FAT3: variants seen among roughly 807,000 people sequenced by gnomAD.
FAT3 encodes FAT atypical cadherin 3, also known as protocadherin Fat 3.
Under a neutral mutation model 310.2 loss-of-function variants are expected in FAT3, and 95 were observed. The observed-to-expected ratio is 0.31, with a 90% CI of 0.26 to 0.36. The LOEUF (loss-of-function observed/expected upper bound fraction) is 0.36, where lower values mean the gene tolerates loss of function less well. FAT3 is among the 10% of genes least tolerant of loss of function. FAT3 has a pLI of 1.00. For synonymous variants in FAT3, 2,314 were observed against 2,192.9 expected (o/e 1.06, Z -1.54); for missense variants, 5,408 against 5,715.6 (o/e 0.95, Z 1.74).
chr11:92,287,682 A>C lies in FAT3; in HGVS notation c.-18+62508A>C, dbSNP rs1394705776. 2.0e-5 allele frequency among the ~76,000 whole-genome samples: 3 copies of C among 152,214 alleles called. No homozygotes were observed. The East Asian group carries it at 5.8e-4, about 29-fold the overall frequency. The stretch of plus-strand genomic sequence containing the variant: ...TTCCAAATACTTGTGCTCCCCTCTT[A>C]AGTTATCCCTGTGGTTTCTTTCTTT... On this transcript the variant is annotated intron_variant, in intron 1 of 27. Transcript: ENST00000525166.
intron 2 of FAT3, chr11:92,366,723 C>T (rs1218591256): frequency 1.9e-6 from 1 of 535,976 alleles, no homozygotes; most frequent in African/African-American, 1.9e-5. Context: ...CATTTCCCCT[C>T]CTTGATCTGG....
chr11:92,257,192 A>T (rs1865352565), intron 1 of FAT3, among the ~76,000 whole-genome samples: 1 of 152,182 alleles, frequency 6.6e-6, no homozygotes, highest in African/African-American at 2.4e-5. Context: ...GCTGAGGCTC[A>T]TAAATGCATA....
At chr11:92,565,716 T>A (rs1955409149) in intron 3 of FAT3, among the ~76,000 whole-genome samples, 1 of 151,284 alleles carries the variant, frequency 6.6e-6, no homozygotes, top group South Asian at 2.1e-4. Flanking sequence ...ATCCCTGGGA[T>A]GCAAGGCTGG....
At chr11:92,418,059 C>A (rs1950453998) in intron 2 of FAT3, among the ~76,000 whole-genome samples, 1 of 152,274 alleles carries the variant, frequency 6.6e-6, no homozygotes, top group East Asian at 1.9e-4. Context: ...TGAACTTAAG[C>A]AAGTCACTTG....
chr11:92,461,522 G>A (rs1951638842), intron 2 of FAT3, among the ~76,000 whole-genome samples: 1 of 152,164 alleles, frequency 6.6e-6, no homozygotes, highest in African/African-American at 2.4e-5. Context: ...GTATGGTGAT[G>A]AAGAATCTTA....
At position 92,890,841 on chromosome 11, in the gene FAT3, C is replaced by G. The variant is rs1949902305; in HGVS notation, c.13498C>G (p.Pro4500Ala). Residue 4500 changes from proline (P) to alanine (A), a missense_variant, in exon 28 of 28, where the codon CCC becomes GCC. Physicochemically the swap from Pro to Ala is conservative, Grantham distance 27 (BLOSUM62 -1). Around this residue, in one of 5 missense-constraint regions of FAT3, gnomAD observed 649 missense variants for 666.2 expected, o/e 0.97. Transcript: ENST00000525166. Reference protein sequence around the residue: ...PSQYLPPHPFPNETDLVGPPA... With the variant: ...PSQYLPPHPFANETDLVGPPA... ...CCAGTATCTCCCTCCTCACCCATTCCCCAACGAAACGGATTTGGTGGGCCC... is the reference window on the plus strand; with the variant it reads ...CCAGTATCTCCCTCCTCACCCATTCGCCAACGAAACGGATTTGGTGGGCCC... 6.2e-7 allele frequency: 1 copy of G among 1,613,950 alleles called. No individual in the cohort carries two copies.
intron 21 of FAT3, among the ~76,000 whole-genome samples, chr11:92,862,829 G>GAGTATGAGT (rs1949153652): frequency 6.6e-6 from 1 of 152,142 alleles, no homozygotes; most frequent in Admixed American, 6.5e-5. Flanking sequence ...CTTGCATGTA[G>GAGTATGAGT]GTATGAGTGT....
In FAT3 at chr11:92,836,627, G is replaced by A. The variant is rs1441481533; in HGVS notation, c.10148G>A (p.Gly3383Glu). ...CAGATTCATTTTTCCATTGTGAATG[G>A]AGATCGGGACAATGAATTTACTGTA... is the stretch of plus-strand genomic sequence containing the variant. The part of the protein sequence containing the change: ...NGQIHFSIVN[G>E]DRDNEFTVDP... Residue 3383 changes from glycine to glutamate, a missense_variant, in exon 16 of 28, where the codon GGA becomes GAA. By Grantham distance (98) the Gly-to-Glu change is moderately conservative. This residue lies in a region of FAT3 where 4,588 missense variants were observed against 4,809.8 expected (regional missense o/e 0.95). Coordinates refer to ENST00000525166, the MANE Select transcript of FAT3 (RefSeq NM_001367949.2). 4 of 1,613,732 alleles carry A rather than the reference G, an allele frequency of 2.5e-6. No individual in the cohort carries two copies. Among genetic ancestry groups the A allele is most frequent in the Non-Finnish European group, 3.4e-6 (4 of 1,179,822 alleles).
chr11:92,475,511 T>G (rs1236448623), intron 2 of FAT3, among the ~76,000 whole-genome samples: 1 of 152,086 alleles, frequency 6.6e-6, no homozygotes, highest in African/African-American at 2.4e-5. Flanking sequence ...GGCTGTGGTT[T>G]CATGGCCCCC....
rs186545511 is a variant in FAT3 at position 92,867,294 on chromosome 11, G to A, written c.12127+85G>A. On this transcript the variant is annotated intron_variant, in intron 22 of 27. Transcript: ENST00000525166. ...GCAGGGGGATCCCTGCCCTCCCAAC[G>A]CAAGGACTCTACTAGAGAGGAGTAT... 5,154 of 1,329,016 alleles carry A rather than the reference G, an allele frequency of 3.9e-3. 12 individuals carry two copies. The highest frequency in any genetic ancestry group is 4.9e-3 in the Non-Finnish European group (4,809 of 989,770). 82.3% of individuals were successfully genotyped at this position (1,329,016 alleles called of 1,614,324 possible).
At chr11:92,736,641 A>G (rs554226875) in intron 4 of FAT3, among the ~76,000 whole-genome samples, 1 of 152,252 alleles carries the variant, frequency 6.6e-6, no homozygotes, top group Admixed American at 6.5e-5. Flanking sequence ...TGTCCTTTCA[A>G]TTTCTCCAGA....
rs1242737048 is a variant in FAT3, at chr11:92,306,706, ATATATATATTTATATAT to A, written c.-17-45380_-17-45364del. ...GAAGAGCCTTGGAAGAGGCTCATAA[ATATATATATTTATATAT>A]TATATATATATTTATATATAAATAT... On this transcript the variant is annotated intron_variant, in intron 1 of 27. Coordinates refer to ENST00000525166, the MANE Select transcript of FAT3 (RefSeq NM_001367949.2). 8.9e-5 allele frequency among the ~76,000 whole-genome samples: 11 copies of A among 123,362 alleles called. No individual in the cohort carries two copies. In the East Asian group the frequency reaches 2.4e-3, roughly 27 times the overall value. 80.9% of individuals were successfully genotyped at this position (123,362 alleles called of 152,430 possible). A position where few individuals can be genotyped will look rare whatever the true frequency, so the allele number is the denominator to read the frequency against.
At chr11:92,523,041 A>G (rs1384407122) in intron 2 of FAT3, among the ~76,000 whole-genome samples, 3 of 152,196 alleles carry the variant, frequency 2.0e-5, no homozygotes. Context: ...GGCTGCCAAT[A>G]AAGTTCTCCT....
At chr11:92,868,492 C>G (rs1360571224) in intron 22 of FAT3, among the ~76,000 whole-genome samples, 1 of 152,180 alleles carries the variant, frequency 6.6e-6, no homozygotes, top group Non-Finnish European at 1.5e-5. Context: ...GTTCTATAAA[C>G]CAGCCCATTA....
At chr11:92,412,720 T>TACATACAC (rs71064705) in intron 2 of FAT3, among the ~76,000 whole-genome samples, 2 of 18,686 alleles carry the variant, frequency 1.1e-4, no homozygotes, top group African/African-American at 2.2e-4. Flanking sequence ...TATATATATA[T>TACATACAC]ATATATATAT....
intron 2 of FAT3, among the ~76,000 whole-genome samples, chr11:92,499,456 G>T (rs534965630): frequency 6.6e-6 from 1 of 152,020 alleles, no homozygotes; most frequent in African/African-American, 2.4e-5. Flanking sequence ...AGTAGAGTAT[G>T]CCTTTAGTAT....
intron 19 of FAT3, among the ~76,000 whole-genome samples, chr11:92,848,544 A>G (rs1301958637): frequency 6.6e-6 from 1 of 152,242 alleles, no homozygotes; most frequent in African/African-American, 2.4e-5. Context: ...AATCTAATAC[A>G]TAAATATATC....
chr11:92,227,765 T>C (rs1480328942), intron 1 of FAT3, among the ~76,000 whole-genome samples: 4 of 150,318 alleles, frequency 2.7e-5, no homozygotes, highest in Admixed American at 1.3e-4. Flanking sequence ...TTTTTTTTTT[T>C]TCTTTATTCC....
At chr11:92,723,055 T>G (rs1944908753) in intron 4 of FAT3, among the ~76,000 whole-genome samples, 1 of 152,246 alleles carries the variant, frequency 6.6e-6, no homozygotes, top group African/African-American at 2.4e-5. Flanking sequence ...TGTGCAAATT[T>G]CTGCAGACGG....
Sources: allele counts gnomAD v4.1 joint callset (sites outside exome capture counted in the v4.1 genomes callset), GRCh38; gene constraint gnomAD v4.1.1; regional missense constraint gnomAD v4.1.1; transcripts MANE v1.5; gene names NCBI Gene and HGNC (gene_info 2026-07-23, HGNC 2026-07-21).